The following SUPT3H variants were observed in gnomAD, a reference collection of about 807,000 sequenced individuals.
The protein encoded by SUPT3H is SPT3 homolog, SAGA and STAGA complex component.
In SUPT3H, 44 loss-of-function variants were observed where a neutral mutation model predicts 44.3. The observed-to-expected ratio is 0.99, with a 90% CI of 0.78 to 1.28. The LOEUF is 1.28. Ranked by LOEUF, SUPT3H falls within the 50% of genes most tolerant of loss-of-function variation. The probability of loss-of-function intolerance (pLI) is 0.00; values close to 1 mark genes in which losing one functional copy is unlikely to be tolerated. For synonymous variants in SUPT3H, 124 were observed against 125.6 expected (o/e 0.99, Z 0.09); for missense variants, 380 against 387.1 (o/e 0.98, Z 0.15).
At chr6:44,973,260 C>A (rs1034173901) in intron 6 of SUPT3H, among the ~76,000 whole-genome samples, 2 of 152,162 alleles carry the variant, frequency 1.3e-5, no homozygotes, top group African/African-American at 4.8e-5. Flanking sequence ...AATCATCTCT[C>A]CCCAGTTCAA....
At chr6:45,210,651 C>T (rs1193402130) in intron 2 of SUPT3H, among the ~76,000 whole-genome samples, 2 of 152,150 alleles carry the variant, frequency 1.3e-5, no homozygotes, top group Non-Finnish European at 2.9e-5. Context: ...ATCAGAACTT[C>T]CTGAGGCTGT....
intron 3 of SUPT3H, among the ~76,000 whole-genome samples, chr6:45,093,028 T>C (rs1450493701): frequency 1.3e-5 from 2 of 152,014 alleles, no homozygotes; most frequent in Admixed American, 6.6e-5. Flanking sequence ...TAACACAATG[T>C]AGTAAAATAA....
intron 2 of SUPT3H, among the ~76,000 whole-genome samples, chr6:45,298,033 T>C (rs1320734828): frequency 1.3e-5 from 2 of 152,172 alleles, no homozygotes; most frequent in Non-Finnish European, 2.9e-5. Context: ...GGAATGCAAT[T>C]TGACAAAATC....
At chr6:45,080,722 A>G (rs1224151497) in intron 3 of SUPT3H, among the ~76,000 whole-genome samples, 1 of 152,162 alleles carries the variant, frequency 6.6e-6, no homozygotes, top group Non-Finnish European at 1.5e-5. Flanking sequence ...GCTAAAAATT[A>G]AAACAATTGA....
At chr6:45,262,582 T>C (rs1774557229) in intron 2 of SUPT3H, among the ~76,000 whole-genome samples, 1 of 152,070 alleles carries the variant, frequency 6.6e-6, no homozygotes, top group Non-Finnish European at 1.5e-5. Flanking sequence ...AGCGTACCTA[T>C]CTGGACATCA....
intron 6 of SUPT3H, among the ~76,000 whole-genome samples, chr6:44,967,172 A>G (rs1001942046): frequency 2.0e-5 from 3 of 152,378 alleles, no homozygotes; most frequent in African/African-American, 7.2e-5. Flanking sequence ...AATTATTCCT[A>G]AAGTTTTCCA....
chr6:45,167,818 T>TC (rs1491556815), intron 2 of SUPT3H, among the ~76,000 whole-genome samples: 1 of 142,316 alleles, frequency 7.0e-6, no homozygotes, highest in East Asian at 2.0e-4. Flanking sequence ...TTTTCATTTA[T>TC]TTTTTTTTTT....
At chr6:44,809,340 A>T (rs1466871118) in exon 12 of SUPT3H, 4 of 152,248 alleles carry the variant, frequency 2.6e-5, no homozygotes, top group Non-Finnish European at 5.9e-5. Flanking sequence ...GTGCTTCCGT[A>T]GCCAAATTGT....
chr6:44,983,847 T>C (rs1779423288), intron 6 of SUPT3H, among the ~76,000 whole-genome samples: 1 of 152,204 alleles, frequency 6.6e-6, no homozygotes, highest in Non-Finnish European at 1.5e-5. Context: ...TGTCATTCTG[T>C]GAACTTTAGT....
chr6:45,138,476 GATAAAAAAAATA>G (rs1804664284), intron 2 of SUPT3H, among the ~76,000 whole-genome samples: 1 of 151,778 alleles, frequency 6.6e-6, no homozygotes, highest in Non-Finnish European at 1.5e-5. Context: ...TGGTGAATGC[GATAAAAAAAATA>G]TGGCACGTCC....
At chr6:45,321,777 A>G (rs948304931) in intron 2 of SUPT3H, 1 of 1,552,062 alleles carries the variant, frequency 6.4e-7, no homozygotes, top group Admixed American at 1.7e-5. Flanking sequence ...CGATAGGAAC[A>G]CAATTTCCCA....
At chr6:45,304,196 A>G (rs554062768) in intron 2 of SUPT3H, among the ~76,000 whole-genome samples, 1 of 152,190 alleles carries the variant, frequency 6.6e-6, no homozygotes, top group African/African-American at 2.4e-5. Flanking sequence ...ATGTGTAAAC[A>G]GCAATATCTA....
chr6:45,332,008 T>C (rs1397029640), intron 2 of SUPT3H, among the ~76,000 whole-genome samples: 3 of 152,014 alleles, frequency 2.0e-5, no homozygotes, highest in Admixed American at 6.6e-5. Flanking sequence ...TAAGATTTTA[T>C]CAAACACACA....
At chr6:44,988,960 T>C (rs541444762) in intron 6 of SUPT3H, among the ~76,000 whole-genome samples, 1 of 152,160 alleles carries the variant, frequency 6.6e-6, no homozygotes. Flanking sequence ...TAGAATTTAT[T>C]ACGAATGAAT....
intron 1 of SUPT3H, among the ~76,000 whole-genome samples, chr6:45,372,838 G>A (rs1461425792): frequency 6.6e-6 from 1 of 151,736 alleles, no homozygotes; most frequent in Non-Finnish European, 1.5e-5. Flanking sequence ...TTTTTTTTGA[G>A]ATGGAGTTTT....
chr6:45,023,817 C>A (rs1231054972), intron 3 of SUPT3H, among the ~76,000 whole-genome samples: 1 of 152,122 alleles, frequency 6.6e-6, no homozygotes, highest in Non-Finnish European at 1.5e-5. Flanking sequence ...GGCTTAATTC[C>A]TGGGTGATGA....
At chr6:45,066,677 CAGAG>C (rs1435996690) in intron 3 of SUPT3H, among the ~76,000 whole-genome samples, 1 of 105,966 alleles carries the variant, frequency 9.4e-6, no homozygotes. Flanking sequence ...AACAGACAAA[CAGAG>C]AGCCAAATCA....
chr6:45,188,146 A>G (rs1273058956), intron 2 of SUPT3H, among the ~76,000 whole-genome samples: 1 of 152,222 alleles, frequency 6.6e-6, no homozygotes. Context: ...TGTTTAAGTC[A>G]TCCTTATATT....
intron 3 of SUPT3H, among the ~76,000 whole-genome samples, chr6:45,028,622 T>G (rs1316017613): frequency 6.6e-6 from 1 of 152,020 alleles, no homozygotes; most frequent in African/African-American, 2.4e-5. Flanking sequence ...ATGCTAACAT[T>G]TATAGAATTT....
Sources: gnomAD v4.1 joint callset for allele counts (sites outside exome capture counted in the v4.1 genomes callset) on GRCh38, gnomAD v4.1.1 for gene constraint, MANE v1.5 for transcripts, NCBI Gene and HGNC (gene_info 2026-07-23, HGNC 2026-07-21) for gene names.